Variants in TMEM80 observed in about 807,000 individuals in gnomAD.
TMEM80 encodes transmembrane protein 80.
Under a neutral mutation model 13.6 loss-of-function variants are expected in TMEM80, and 16 were observed. The ratio of observed to expected loss-of-function variants is 1.17; its 90% CI spans 0.79 to 1.78. The LOEUF (loss-of-function observed/expected upper bound fraction) is 1.78. TMEM80 is among the 40% of genes most tolerant of loss of function. TMEM80 has a pLI of 0.00. For missense variants in TMEM80, 167 were observed against 184.6 expected, an observed-to-expected ratio of 0.90 and a Z score of 0.55; for synonymous variants, 92 against 89.5, an observed-to-expected ratio of 1.03 and a Z score of -0.16.
chr11:704,871 A>C (rs1861649393), downstream of TMEM80: 21 of 356,908 alleles, frequency 5.9e-5, no homozygotes, highest in South Asian at 4.2e-4. Flanking sequence ...CCTGTTTCCC[A>C]CTTGGCCACT....
At chr11:700,556 A>T in intron 3 of TMEM80, 59 bp from the exon 4 acceptor site, 4 of 1,275,086 alleles carry the variant, frequency 3.1e-6, no homozygotes, top group South Asian at 1.2e-5. Context: ...AGGCAAGCTG[A>T]GGTGGCTGCT....
Position 703,245 on chromosome 11 carries a change from C to A in TMEM80, c.*95C>A. 1 of 1,460,902 alleles carries A rather than the reference C, an allele frequency of 6.8e-7. No individual in the cohort carries two copies. The highest frequency in any genetic ancestry group is 2.5e-5 in the Admixed American group (1 of 39,350). 90.5% of individuals were successfully genotyped at this position (1,460,902 alleles called of 1,614,324 possible). A position where few individuals can be genotyped will look rare whatever the true frequency, so the allele number is the denominator to read the frequency against. On this transcript the variant is annotated 3_prime_UTR_variant, in exon 5 of 5. Coordinates refer to ENST00000397510, the MANE Select transcript of TMEM80 (RefSeq NM_001042463.3). ...TCCCCATTCCTGGACAGGAAGGGCA[C>A]TTTTCCTAGTGACTGGCCATAGATG...
chr11:704,934 G>A (rs1025715274), downstream of TMEM80: 8 of 346,578 alleles, frequency 2.3e-5, no homozygotes, highest in South Asian at 8.8e-5. Flanking sequence ...AGGGGTTGGC[G>A]TGTGTGACCC....
chr11:702,069 G>T (rs1012208881), intron 4 of TMEM80, among the ~76,000 whole-genome samples: 3 of 152,208 alleles, frequency 2.0e-5, no homozygotes, highest in Admixed American at 6.5e-5. Flanking sequence ...GGCCCCTCTT[G>T]TTCACATACA....
chr11:698,223 G>A (rs1477172475), intron 1 of TMEM80, among the ~76,000 whole-genome samples: 2 of 152,266 alleles, frequency 1.3e-5, no homozygotes, highest in Admixed American at 1.3e-4. Flanking sequence ...GTGAGTCAGA[G>A]GCGTCTTCAG....
chr11:701,606 T>C lies in TMEM80; in HGVS notation c.226+899T>C, dbSNP rs374358463. On this transcript the variant is annotated intron_variant, in intron 4 of 4. Transcript: ENST00000397510. The stretch of plus-strand genomic sequence containing the variant: ...TTGTATTTTTAGTAGAGATGGGGTT[T>C]CACCATGTTAGCCAGGATGGTTTCC... Among the ~76,000 whole-genome samples the C allele has an allele frequency of 4.3e-3, 659 of 152,008 alleles. 6 individuals carry two copies. Among genetic ancestry groups the C allele is most frequent in the African/African-American group, 0.015 (623 of 41,434 alleles).
Position 703,897 on chromosome 11 carries a change from T to C in TMEM80, c.*747T>C. ...TCGGAGCCTCCGTCCACTCCAGTTT[T>C]ATCAGCTTTTGCCTTTTGCACGGAG... On this transcript the variant is annotated 3_prime_UTR_variant, in exon 5 of 5. Transcript: ENST00000397510. 8.1e-7 allele frequency: 1 copy of C among 1,240,564 alleles called. No individual in the cohort carries two copies. Among genetic ancestry groups the C allele is most frequent in the Non-Finnish European group, 1.0e-6 (1 of 993,888 alleles). The allele number at this position is 1,240,564 out of a possible 1,614,324, so 76.8% of individuals were successfully genotyped here.
intron 4 of TMEM80, among the ~76,000 whole-genome samples, chr11:701,384 T>G (rs1221543277): frequency 6.9e-6 from 1 of 144,392 alleles, no homozygotes. Context: ...TGTTTTTTTT[T>G]GGTAGAGACG....
chr11:701,016 C>T (rs556507594), intron 4 of TMEM80: 30 of 441,470 alleles, frequency 6.8e-5, no homozygotes, highest in East Asian at 5.7e-4. Flanking sequence ...TCTGGAGCTC[C>T]GGAATATTCA....
At chr11:704,400 T>C (rs1164909248), downstream of TMEM80, 2 of 1,235,950 alleles carry the variant, frequency 1.6e-6, no homozygotes, top group South Asian at 2.5e-5. Flanking sequence ...GAGCACCCAG[T>C]TGTCCTGGGC....
chr11:701,079 G>A (rs1861436105), intron 4 of TMEM80: 1 of 285,066 alleles, frequency 3.5e-6, no homozygotes, highest in South Asian at 3.9e-5. Flanking sequence ...GAGAGCCCTG[G>A]AGAGTTCTGC....
Position 703,052 on chromosome 11 carries a change from G to A in TMEM80, c.334G>A (p.Val112Met), listed in dbSNP as rs1426754657. The A allele has an allele frequency of 5.0e-6, 8 of 1,612,760 alleles. No individual in the cohort carries two copies. In the East Asian group the frequency reaches 1.3e-4, roughly 27 times the overall value. ...CCACTTCCTGCTTTGGCAGGCCCTA[G>A]TGTTGTGGGCGGACTGGGCCCTCAG... Reference protein sequence around the residue: ...SAHFLLWQALVLWADWALSAT... With the variant: ...SAHFLLWQALMLWADWALSAT... Residue 112 changes from valine (V) to methionine (M), a missense_variant, in exon 5 of 5, where the codon GTG (valine) becomes ATG (methionine). Val to Met is a conservative substitution (Grantham distance 21, BLOSUM62 1). Coordinates refer to ENST00000397510, the MANE Select transcript of TMEM80 (RefSeq NM_001042463.3).
At chr11:697,046 G>C (rs1861219906) in intron 1 of TMEM80, among the ~76,000 whole-genome samples, 1 of 151,490 alleles carries the variant, frequency 6.6e-6, no homozygotes, top group Admixed American at 6.6e-5. Context: ...GTTGCAGTTG[G>C]CCAAGATCGC....
chr11:703,298 A>C lies in TMEM80; in HGVS notation c.*148A>C. 1.4e-6 allele frequency: 2 copies of C among 1,428,274 alleles called. No individual in the cohort carries two copies. The highest frequency in any genetic ancestry group is 1.8e-6 in the Non-Finnish European group (2 of 1,087,810). The allele number at this position is 1,428,274 out of a possible 1,614,324, so 88.5% of individuals were successfully genotyped here. A position where few individuals can be genotyped will look rare whatever the true frequency, so the allele number is the denominator to read the frequency against. On this transcript the variant is annotated 3_prime_UTR_variant, in exon 5 of 5. Transcript: ENST00000397510. ...TTTGGATGGTTCCATCTGTTCTGGC[A>C]GGAGTGGGAGCAGGAGCCAGGGCAG... is the stretch of plus-strand genomic sequence containing the variant.
upstream of TMEM80, chr11:695,734 T>A: frequency 8.1e-7 from 1 of 1,240,906 alleles, no homozygotes; most frequent in Non-Finnish European, 1.0e-6. Context: ...GTCGGGCCCC[T>A]TCGTCAGGAG....
chr11:701,604 T>C (rs993738318), intron 4 of TMEM80, among the ~76,000 whole-genome samples: 11 of 151,392 alleles, frequency 7.3e-5, no homozygotes, highest in Non-Finnish European at 5.9e-5. Context: ...AGAGATGGGG[T>C]TTCACCATGT....
At position 702,991 on chromosome 11, in the gene TMEM80, CCTGGCCCTCACGG is replaced by C; in HGVS notation, c.279_291del (p.Leu94ProfsTer14). On this transcript the variant is annotated frameshift_variant, in exon 5 of 5. Transcript: ENST00000397510. LOFTEE classifies it low-confidence loss of function (END_TRUNC). ...AGGCTGAGAGGCCGCTGGCCGCCAG[CCTGGCCCTCACGG>C]CTGGCACCGCCCTCCTCTCTGCCCA... The C allele has an allele frequency of 1.2e-6, 2 of 1,611,654 alleles. No homozygotes were observed. Among genetic ancestry groups the C allele is most frequent in the Non-Finnish European group, 1.7e-6 (2 of 1,179,630 alleles).
At chr11:702,352 G>A (rs1419486383) in intron 4 of TMEM80, among the ~76,000 whole-genome samples, 1 of 152,210 alleles carries the variant, frequency 6.6e-6, no homozygotes, top group Non-Finnish European at 1.5e-5. Flanking sequence ...GATCTTCTGG[G>A]GCCTGGGCCT....
chr11:701,606 T>A lies in TMEM80; in HGVS notation c.226+899T>A, dbSNP rs374358463. 2.6e-5 allele frequency among the ~76,000 whole-genome samples: 4 copies of A among 152,016 alleles called. No homozygotes were observed. The South Asian group carries it at 8.3e-4, about 32-fold the overall frequency. ...TTGTATTTTTAGTAGAGATGGGGTTTCACCATGTTAGCCAGGATGGTTTCC... is the reference window on the plus strand; with the variant it reads ...TTGTATTTTTAGTAGAGATGGGGTTACACCATGTTAGCCAGGATGGTTTCC... On this transcript the variant is annotated intron_variant, in intron 4 of 4. Transcript: ENST00000397510.
Sources: gnomAD v4.1 joint callset for allele counts (sites outside exome capture counted in the v4.1 genomes callset) on GRCh38, gnomAD v4.1.1 for gene constraint, MANE v1.5 for transcripts, NCBI Gene and HGNC (gene_info 2026-07-23, HGNC 2026-07-21) for gene names.